SAXO5: variants seen among roughly 807,000 people sequenced by gnomAD.
SAXO5 encodes testis expressed 45.
At chr19:7,504,513 C>T in the SAXO5 span, 1 of 875,862 alleles carries the variant, frequency 1.1e-6, no homozygotes, top group African/African-American at 1.7e-5. Flanking sequence ...CGAGACCAGC[C>T]TGGCCAATAT....
the SAXO5 span, chr19:7,505,391 C>T: frequency 2.5e-6 from 4 of 1,614,232 alleles, no homozygotes; most frequent in East Asian, 2.2e-5. Context: ...CGGCCTCTTC[C>T]GCGACAGGAC....
chr19:7,504,080 A>ATCTCTCCCTCTC, the SAXO5 span: 1 of 1,201,798 alleles, frequency 8.3e-7, no homozygotes, highest in Non-Finnish European at 1.2e-6. Flanking sequence ...GGGAATCTCA[A>ATCTCTCCCTCTC]TCTCTCTCTC....
the SAXO5 span, chr19:7,506,932 T>A: frequency 5.6e-6 from 4 of 712,686 alleles, no homozygotes; most frequent in Non-Finnish European, 9.8e-6. Flanking sequence ...TCCATTTTTC[T>A]CCCCTGGTCA....
At chr19:7,506,252 C>T in the SAXO5 span, 1 of 1,137,990 alleles carries the variant, frequency 8.8e-7, no homozygotes, top group Admixed American at 2.4e-5. Context: ...GAGCCCCTCC[C>T]CATGGAGCCC....
At chr19:7,504,630 C>T in the SAXO5 span, among the ~76,000 whole-genome samples, 304 of 151,700 alleles carry the variant, frequency 2.0e-3, 2 homozygotes, top group Non-Finnish European at 6.2e-4. Flanking sequence ...CGCCTGAACC[C>T]GGGAGGCGGA....
At chr19:7,500,447 G>A in the SAXO5 span, among the ~76,000 whole-genome samples, 3 of 151,078 alleles carry the variant, frequency 2.0e-5, no homozygotes, top group African/African-American at 7.3e-5. Flanking sequence ...GACTACGGGC[G>A]CCCACCACCA....
At chr19:7,501,277 T>TCGACCGCGACTCCCTGCCTCCTGG in the SAXO5 span, 1 of 1,573,842 alleles carries the variant, frequency 6.4e-7, no homozygotes, top group Non-Finnish European at 8.5e-7. Context: ...CGCCTCATCT[T>TCGACCGCGACTCCCTGCCTCCTGG]CGACCGCGAC....
the SAXO5 span, chr19:7,500,892 T>C: frequency 6.3e-7 from 1 of 1,576,516 alleles, no homozygotes; most frequent in Non-Finnish European, 8.6e-7. Context: ...CCTCAAGGCC[T>C]CGCACTTCTC....
chr19:7,505,980 A>C, the SAXO5 span: 30 of 1,586,040 alleles, frequency 1.9e-5, no homozygotes, highest in Non-Finnish European at 2.4e-5. Context: ...CCCCCGACCC[A>C]GCCACCCAGC....
chr19:7,507,690 G>A, the SAXO5 span, among the ~76,000 whole-genome samples: 3 of 152,210 alleles, frequency 2.0e-5, no homozygotes, highest in South Asian at 6.2e-4. Flanking sequence ...CCCAAGACGA[G>A]GGTTAATTCA....
At chr19:7,507,792 C>T in the SAXO5 span, among the ~76,000 whole-genome samples, 12 of 152,140 alleles carry the variant, frequency 7.9e-5, no homozygotes, top group Non-Finnish European at 1.3e-4. Flanking sequence ...TTCAGCCCAG[C>T]CTGGGGCCCT....
chr19:7,505,866 GAGCTGTCCAAGGTC>G, the SAXO5 span: 3 of 1,238,398 alleles, frequency 2.4e-6, no homozygotes, highest in Non-Finnish European at 3.4e-6. Context: ...AGGGGTGAGG[GAGCTGTCCAAGGTC>G]ACACAGAGCC....
the SAXO5 span, chr19:7,506,652 C>G: frequency 2.9e-6 from 1 of 350,578 alleles, no homozygotes; most frequent in South Asian, 2.4e-5. Flanking sequence ...CTGGGTTCCT[C>G]CCCTAGCTCC....
chr19:7,504,141 T>C, the SAXO5 span: 1 of 1,613,434 alleles, frequency 6.2e-7, no homozygotes. Flanking sequence ...CACCCTCAAG[T>C]GGGACTACAC....
the SAXO5 span, among the ~76,000 whole-genome samples, chr19:7,502,428 A>T: frequency 2.0e-5 from 3 of 152,296 alleles, no homozygotes; most frequent in East Asian, 1.9e-4. Context: ...ATAAAAATTT[A>T]AAAAGATGGG....
At chr19:7,501,042 G>C in the SAXO5 span, 1 of 1,516,430 alleles carries the variant, frequency 6.6e-7, no homozygotes, top group African/African-American at 1.4e-5. Context: ...CCCGCGCTGG[G>C]ACCGGGAAGA....
chr19:7,501,114 C>T, the SAXO5 span: 1 of 1,505,736 alleles, frequency 6.6e-7, no homozygotes, highest in Non-Finnish European at 8.8e-7. Flanking sequence ...GGAGCTGCTG[C>T]AAGCGCAGGC....
chr19:7,499,930 ATTTG>A, the SAXO5 span: 1 of 46,958 alleles, frequency 2.1e-5, no homozygotes, highest in African/African-American at 1.1e-4. Flanking sequence ...CACTTGTCTA[ATTTG>A]TGTGTGTGTG....
the SAXO5 span, chr19:7,506,202 C>CGCCCCATGGAGCCCA: frequency 6.7e-7 from 1 of 1,484,222 alleles, no homozygotes; most frequent in Non-Finnish European, 9.0e-7. Flanking sequence ...CATGGAGCCC[C>CGCCCCATGGAGCCCA]GCCCCGGGAA....
Sources: allele counts gnomAD v4.1 joint callset (sites outside exome capture counted in the v4.1 genomes callset), GRCh38; gene constraint gnomAD v4.1.1; transcripts MANE v1.5; gene names NCBI Gene and HGNC (gene_info 2026-07-23, HGNC 2026-07-21).